Variants in ADGRF5 observed in about 807,000 individuals in gnomAD.
ADGRF5 encodes G-protein coupled receptor 116.
ADGRF5 carries 75 observed loss-of-function variants against 132.3 expected under a neutral mutation model. The observed-to-expected ratio is 0.57, with a 90% confidence interval of 0.47 to 0.69. The LOEUF (loss-of-function observed/expected upper bound fraction) is 0.69, where lower values mean the gene tolerates loss of function less well. Ranked by LOEUF, ADGRF5 falls within the 30% of genes least tolerant of loss-of-function variation. The pLI, the probability that ADGRF5 is intolerant of heterozygous loss-of-function variation, is 0.00. For synonymous variants in ADGRF5, 629 were observed against 597.6 expected (o/e 1.05, Z -0.77); for missense variants, 1,516 against 1,630.6 (o/e 0.93, Z 1.21).
At chr6:46,938,949 C>A (rs1777953579) in intron 1 of ADGRF5, among the ~76,000 whole-genome samples, 1 of 151,816 alleles carries the variant, frequency 6.6e-6, no homozygotes, top group Non-Finnish European at 1.5e-5. Context: ...TGGCTCACTG[C>A]AACCTCTGCC....
chr6:46,922,971 G>C (rs777769999), upstream of ADGRF5, among the ~76,000 whole-genome samples: 1 of 152,312 alleles, frequency 6.6e-6, no homozygotes, highest in African/African-American at 2.4e-5. Flanking sequence ...CTGTCTCCCA[G>C]GCTAGAGTCC....
At chr6:46,860,041 G>C (rs1769556564) in intron 16 of ADGRF5, among the ~76,000 whole-genome samples, 2 of 152,016 alleles carry the variant, frequency 1.3e-5, no homozygotes. Context: ...GCTGTCCACT[G>C]CTCTCCCCGC....
In ADGRF5 at chr6:46,858,350, C is replaced by T; in HGVS notation, c.3553G>A (p.Val1185Met). ...FAIPALIIVV[V>M]NITITIVVIT... Reference sequence around the variant, plus strand: ...ACCACAATAGTGATGGTTATGTTCACCACCACAATGATCAGTGCTGGGATG... The same window carrying T: ...ACCACAATAGTGATGGTTATGTTCATCACCACAATGATCAGTGCTGGGATG... The change falls in exon 17 of 21, where the codon GTG becomes ATG. Residue 1185 changes from valine to methionine, a missense_variant. Coordinates refer to ENST00000283296, the MANE Select transcript of ADGRF5 (RefSeq NM_001098518.2). 6.2e-7 allele frequency: 1 copy of T among 1,614,012 alleles called. No homozygotes were observed. Among genetic ancestry groups the T allele is most frequent in the Non-Finnish European group, 8.5e-7 (1 of 1,179,936 alleles).
At chr6:46,904,248 T>C (rs6910089) in intron 2 of ADGRF5, among the ~76,000 whole-genome samples, 17,878 of 152,238 alleles carry the variant, frequency 0.12, 1,195 homozygotes, top group Non-Finnish European at 0.14. Flanking sequence ...CATGTGTATA[T>C]TCACGTTCAT....
Position 46,945,158 on chromosome 6 carries a change from C to T in ADGRF5, c.-25+9576G>A, listed in dbSNP as rs1778255810. On this transcript the variant is annotated intron_variant, in intron 1 of 20. Transcript: ENST00000265417. ...CTCATGACACATTTGGAAATTCTGC[C>T]TGAGTGATGATTTAAATAAAATGTG... Among the ~76,000 whole-genome samples the T allele has an allele frequency of 4.6e-5, 7 of 152,116 alleles. No individual in the cohort carries two copies. The South Asian group carries it at 1.2e-3, about 27-fold the overall frequency.
chr6:46,876,923 A>G (rs1453793741), intron 10 of ADGRF5, among the ~76,000 whole-genome samples: 1 of 152,208 alleles, frequency 6.6e-6, no homozygotes, highest in African/African-American at 2.4e-5. Context: ...TTTTAAAAAT[A>G]ATTTAATCAA....
intron 1 of ADGRF5, among the ~76,000 whole-genome samples, chr6:46,946,910 T>G (rs965471041): frequency 5.3e-5 from 8 of 152,204 alleles, no homozygotes; most frequent in Non-Finnish European, 1.0e-4. Flanking sequence ...AAGATGTCTC[T>G]GGGGATAATT....
At chr6:46,944,236 G>A (rs1778211307) in intron 1 of ADGRF5, among the ~76,000 whole-genome samples, 1 of 152,196 alleles carries the variant, frequency 6.6e-6, no homozygotes, top group African/African-American at 2.4e-5. Flanking sequence ...TAAGGAGCAT[G>A]CAACCTAGAT....
At chr6:46,915,977 C>A (rs1367602789) in intron 1 of ADGRF5, among the ~76,000 whole-genome samples, 4 of 152,098 alleles carry the variant, frequency 2.6e-5, no homozygotes, top group African/African-American at 9.7e-5. Flanking sequence ...TCTCAAGGCT[C>A]CCGAGCTTAT....
chr6:46,886,761 G>T (rs1773107022), intron 4 of ADGRF5: 1 of 152,106 alleles, frequency 6.6e-6, no homozygotes, highest in South Asian at 2.1e-4. Context: ...AACCTTCATT[G>T]CCCACCCATC....
At chr6:46,879,274 C>CAA (rs1160232748) in intron 9 of ADGRF5, among the ~76,000 whole-genome samples, 1 of 151,356 alleles carries the variant, frequency 6.6e-6, no homozygotes, top group Non-Finnish European at 1.5e-5. Context: ...AATTAATTAA[C>CAA]AATTAATACC....
intron 12 of ADGRF5, among the ~76,000 whole-genome samples, chr6:46,868,449 T>G (rs1258263177): frequency 6.6e-6 from 1 of 152,252 alleles, no homozygotes; most frequent in African/African-American, 2.4e-5. Flanking sequence ...GATTTGCATT[T>G]CCTCACAAAA....
intron 20 of ADGRF5, among the ~76,000 whole-genome samples, chr6:46,855,239 G>T (rs1768905369): frequency 6.6e-6 from 1 of 152,098 alleles, no homozygotes. Flanking sequence ...AATAATAGCA[G>T]GGTTGACTGA....
intron 3 of ADGRF5, among the ~76,000 whole-genome samples, chr6:46,891,413 T>C (rs1773624689): frequency 6.6e-6 from 1 of 152,230 alleles, no homozygotes; most frequent in Admixed American, 6.5e-5. Context: ...CACATTCTTT[T>C]TCCTGAAAAG....
In ADGRF5 at chr6:46,883,993, C is replaced by A. The variant is rs182942206; in HGVS notation, c.505+102G>T. 1.0e-3 allele frequency: 971 copies of A among 955,876 alleles called. 11 individuals carry two copies. The Admixed American group carries it at 0.018, about 18-fold the overall frequency. 59.2% of individuals were successfully genotyped at this position (955,876 alleles called of 1,614,324 possible). Reference sequence around the variant, plus strand: ...CTGACCACAGGTGATCCATCCACATCGGACTATCAAAGTGCTGGGATTACA... The same window carrying A: ...CTGACCACAGGTGATCCATCCACATAGGACTATCAAAGTGCTGGGATTACA... On this transcript the variant is annotated intron_variant, in intron 5 of 20. Transcript: ENST00000283296.
chr6:46,915,244 T>C (rs1478347428), intron 1 of ADGRF5, among the ~76,000 whole-genome samples: 1 of 152,072 alleles, frequency 6.6e-6, no homozygotes, highest in Non-Finnish European at 1.5e-5. Context: ...AGTTCTGTGG[T>C]TCTACCATGT....
chr6:46,953,998 A>T (rs1414300700), intron 1 of ADGRF5, among the ~76,000 whole-genome samples: 1 of 152,144 alleles, frequency 6.6e-6, no homozygotes, highest in African/African-American at 2.4e-5. Context: ...TACTTAAATA[A>T]GACCTGGCTC....
intron 2 of ADGRF5, chr6:46,905,433 G>A (rs1775241031): frequency 6.6e-6 from 1 of 151,996 alleles, no homozygotes; most frequent in Non-Finnish European, 1.5e-5. Context: ...ATGAAGTCGT[G>A]AAACAAAATC....
chr6:46,933,460 G>C (rs138665244), intron 1 of ADGRF5, among the ~76,000 whole-genome samples: 143 of 152,250 alleles, frequency 9.4e-4, no homozygotes, highest in Non-Finnish European at 1.7e-3. Context: ...TCATTGGTTT[G>C]TTACCCTCTT....
Sources: allele counts gnomAD v4.1 joint callset (sites outside exome capture counted in the v4.1 genomes callset), GRCh38; gene constraint gnomAD v4.1.1; transcripts MANE v1.5; gene names NCBI Gene and HGNC (gene_info 2026-07-23, HGNC 2026-07-21).